Variants in CSMD3 observed in about 807,000 individuals in gnomAD.
The protein encoded by CSMD3 is CUB and sushi domain-containing protein 3.
A neutral mutation model predicts 435.2 loss-of-function variants in CSMD3; 177 were observed. The ratio of observed to expected loss-of-function variants is 0.41; its 90% CI spans 0.36 to 0.46. CSMD3 has a LOEUF of 0.46. Among genes scored for constraint, CSMD3 ranks in the 20% least tolerant of loss-of-function variants. The pLI is 0.34. For missense variants in CSMD3, 4,265 were observed against 4,504.6 expected (o/e 0.95, Z 1.52); for synonymous variants, 1,656 against 1,520.5 (o/e 1.09, Z -2.07).
chr8:113,237,685 C>A (rs2093165591), intron 3 of CSMD3, among the ~76,000 whole-genome samples: 1 of 152,152 alleles, frequency 6.6e-6, no homozygotes, highest in Non-Finnish European at 1.5e-5. Context: ...CAGCTTCAGT[C>A]TTTAATCTGC....
In CSMD3 at chr8:112,778,159, C is replaced by T. The variant is rs1360889427; in HGVS notation, c.1972+22003G>A. ...CTTCACGTACAACCTCCCCAACTAC[C>T]AACATCCCACACTACTATGGTACAT... On this transcript the variant is annotated intron_variant, in intron 13 of 70. Transcript: ENST00000297405. 2.6e-5 allele frequency among the ~76,000 whole-genome samples: 4 copies of T among 151,866 alleles called. No homozygotes were observed. The South Asian group carries it at 6.2e-4, about 24-fold the overall frequency.
chr8:113,139,425 GGTAAAGT>G (rs2091494948), intron 4 of CSMD3, among the ~76,000 whole-genome samples: 1 of 150,632 alleles, frequency 6.6e-6, no homozygotes, highest in South Asian at 2.1e-4. Flanking sequence ...TATAAGGAGA[GGTAAAGT>G]TTTTGCAATT....
rs1339578071 is a variant in CSMD3 at position 112,491,917 on chromosome 8, AATG to A, written c.5278+569_5278+571del. Among the ~76,000 whole-genome samples, 6 of 152,122 alleles carry A rather than the reference AATG, an allele frequency of 3.9e-5. No individual in the cohort carries two copies. The East Asian group carries it at 1.2e-3, about 29-fold the overall frequency. On this transcript the variant is annotated intron_variant, in intron 31 of 70. Transcript: ENST00000297405. Reference sequence around the variant, plus strand: ...TAGGGAGTCTCTAGTAACCCTAAGCAATGATATCACTGTTTCTCTGTTTTTCCT... The same window carrying A: ...TAGGGAGTCTCTAGTAACCCTAAGCAATATCACTGTTTCTCTGTTTTTCCT...
chr8:112,303,508 T>G (rs1821121837), intron 52 of CSMD3, among the ~76,000 whole-genome samples: 2 of 152,018 alleles, frequency 1.3e-5, no homozygotes, highest in South Asian at 4.1e-4. Context: ...TGAGCTGAGA[T>G]CGCGCCACTG....
chr8:112,537,937 C>T (rs1167525218), intron 27 of CSMD3, among the ~76,000 whole-genome samples: 1 of 151,982 alleles, frequency 6.6e-6, no homozygotes, highest in Non-Finnish European at 1.5e-5. Flanking sequence ...AAACAAAGAG[C>T]CTCAACCAAA....
intron 65 of CSMD3, among the ~76,000 whole-genome samples, chr8:112,242,208 A>G (rs1814239713): frequency 6.6e-6 from 1 of 152,104 alleles, no homozygotes; most frequent in Admixed American, 6.6e-5. Context: ...TGAGATAATT[A>G]AAGATGTCAC....
At chr8:112,551,689 G>A (rs574235640) in intron 26 of CSMD3, among the ~76,000 whole-genome samples, 4 of 152,142 alleles carry the variant, frequency 2.6e-5, no homozygotes, top group Non-Finnish European at 5.9e-5. Flanking sequence ...ATGATATAGT[G>A]TAGTCTATTT....
At chr8:112,268,326 T>A (rs1372620699) in intron 59 of CSMD3, among the ~76,000 whole-genome samples, 4 of 152,226 alleles carry the variant, frequency 2.6e-5, no homozygotes, top group Non-Finnish European at 5.9e-5. Flanking sequence ...CTTCTCAATA[T>A]GTAATTGATG....
At chr8:112,915,180 T>TG (rs1466051042) in intron 10 of CSMD3, among the ~76,000 whole-genome samples, 2 of 152,066 alleles carry the variant, frequency 1.3e-5, no homozygotes, top group Admixed American at 6.6e-5. Context: ...ATCACTGTGC[T>TG]GATTTTATTA....
In CSMD3 at chr8:112,228,966, A is replaced by C. The variant is rs1586456327; in HGVS notation, c.10829-75T>G. 1.1e-5 allele frequency: 9 copies of C among 823,090 alleles called. No individual in the cohort carries two copies. In the East Asian group the frequency reaches 2.4e-4, roughly 22 times the overall value. 51.0% of individuals were successfully genotyped at this position (823,090 alleles called of 1,614,324 possible). Reference sequence around the variant, plus strand: ...AATTTCTACTCCCATGAATCAATTAATTTCTTCTATTCTCAAGATATCTAC... The same window carrying C: ...AATTTCTACTCCCATGAATCAATTACTTTCTTCTATTCTCAAGATATCTAC... On this transcript the variant is annotated intron_variant, in intron 69 of 70. Coordinates refer to ENST00000297405, the MANE Select transcript of CSMD3 (RefSeq NM_198123.2).
intron 4 of CSMD3, among the ~76,000 whole-genome samples, chr8:113,108,306 T>TA (rs1186114346): frequency 2.0e-5 from 3 of 151,922 alleles, no homozygotes; most frequent in Non-Finnish European, 4.4e-5. Context: ...CAGGTGCCTG[T>TA]AGTCCCAGCT....
intron 13 of CSMD3, among the ~76,000 whole-genome samples, chr8:112,694,865 C>T (rs1398048657): frequency 6.6e-6 from 1 of 152,100 alleles, no homozygotes; most frequent in Non-Finnish European, 1.5e-5. Context: ...CTCCAGTCTA[C>T]AGCTCCCAGT....
At chr8:113,383,622 T>G (rs1026118667) in intron 1 of CSMD3, among the ~76,000 whole-genome samples, 2 of 152,172 alleles carry the variant, frequency 1.3e-5, no homozygotes, top group African/African-American at 4.8e-5. Context: ...TTTCAGTGCC[T>G]GCAGATCATC....
intron 10 of CSMD3, among the ~76,000 whole-genome samples, chr8:112,886,052 C>A (rs2081579464): frequency 6.6e-6 from 1 of 151,436 alleles, no homozygotes; most frequent in African/African-American, 2.4e-5. Context: ...TCTATATTAC[C>A]CAATCCGAAA....
At chr8:112,465,974 CA>C (rs201876803) in intron 32 of CSMD3, among the ~76,000 whole-genome samples, 2,206 of 114,056 alleles carry the variant, frequency 0.019, 25 homozygotes, top group Non-Finnish European at 0.025. Context: ...GACACCATCT[CA>C]AAAAAAAAAA....
At chr8:112,267,954 G>A (rs1174909061) in intron 59 of CSMD3, among the ~76,000 whole-genome samples, 1 of 151,868 alleles carries the variant, frequency 6.6e-6, no homozygotes, top group African/African-American at 2.4e-5. Context: ...AAGGCTTTTG[G>A]TTTTTTCAGG....
intron 24 of CSMD3, among the ~76,000 whole-genome samples, chr8:112,567,103 A>G (rs1028817153): frequency 1.3e-5 from 2 of 152,250 alleles, no homozygotes; most frequent in Admixed American, 1.3e-4. Flanking sequence ...TGCTACTGCT[A>G]GTTTCCAACT....
In CSMD3 at chr8:112,299,102, T is replaced by C. The variant is rs560262637; in HGVS notation, c.8440+2691A>G. On this transcript the variant is annotated intron_variant, in intron 53 of 70. Transcript: ENST00000297405. ...ATAAAAGAAGCCTTATACAAAAGAGTGCACAATTTTCAATTCCATTTAATG... is the reference window on the plus strand; with the variant it reads ...ATAAAAGAAGCCTTATACAAAAGAGCGCACAATTTTCAATTCCATTTAATG... Among the ~76,000 whole-genome samples the C allele has an allele frequency of 1.4e-4, 21 of 151,954 alleles. No individual in the cohort carries two copies. The East Asian group carries it at 4.1e-3, about 29-fold the overall frequency.
chr8:113,049,836 T>C (rs2088009334), intron 5 of CSMD3, among the ~76,000 whole-genome samples: 1 of 152,168 alleles, frequency 6.6e-6, no homozygotes, highest in African/African-American at 2.4e-5. Flanking sequence ...ATTACATGGG[T>C]GTATGCTATC....
Sources: gnomAD v4.1 joint callset for allele counts (sites outside exome capture counted in the v4.1 genomes callset) on GRCh38, gnomAD v4.1.1 for gene constraint, MANE v1.5 for transcripts, NCBI Gene and HGNC (gene_info 2026-07-23, HGNC 2026-07-21) for gene names.